KIF13A: variants seen among roughly 807,000 people sequenced by gnomAD.
The protein encoded by KIF13A is kinesin-like protein KIF13A.
In KIF13A, 79 loss-of-function variants were observed where a neutral mutation model predicts 212.2. The ratio of observed to expected loss-of-function variants is 0.37; its 90% CI spans 0.31 to 0.45. The LOEUF (loss-of-function observed/expected upper bound fraction) is 0.45. Among genes scored for constraint, KIF13A ranks in the 20% least tolerant of loss-of-function variants. KIF13A has a pLI of 1.00. For missense variants in KIF13A, 1,901 were observed against 2,209.0 expected (o/e 0.86, Z 2.79); for synonymous variants, 789 against 808.6 (o/e 0.98, Z 0.41).
intron 2 of KIF13A, among the ~76,000 whole-genome samples, chr6:17,923,883 A>G (rs989129298): frequency 2.6e-5 from 4 of 152,214 alleles, no homozygotes; most frequent in African/African-American, 9.6e-5. Context: ...AGATTCAACT[A>G]GCTTAGCAGC....
Position 17,773,478 on chromosome 6 carries a change from C to T in KIF13A, c.4324G>A (p.Gly1442Ser), listed in dbSNP as rs761975221. ...PRDSPRRNKE[G>S]CTSETPHALT... ...CACTGCAAAATAATCTCACCACTAC[C>T]TTCTTTATTCCTTCGAGGAGAATCC... The change falls in exon 36 of 39, where the codon GGT becomes AGT. Residue 1442 changes from glycine (G) to serine (S), a missense_variant and splice_region_variant. By Grantham distance (56) the Gly-to-Ser change is moderately conservative. Coordinates refer to ENST00000259711, the MANE Select transcript of KIF13A (RefSeq NM_022113.6). This position sits in a 1 kb window ranked among gnomAD's most constrained non-coding sequence, Gnocchi z 4.2. 13 of 1,547,734 alleles carry T rather than the reference C, an allele frequency of 8.4e-6. No homozygotes were observed. Among genetic ancestry groups the T allele is most frequent in the African/African-American group, 1.4e-5 (1 of 73,524 alleles).
At chr6:17,760,723 T>C (rs1039138255), downstream of KIF13A, 2 of 852,966 alleles carry the variant, frequency 2.3e-6, no homozygotes, top group East Asian at 5.2e-5. Context: ...AAGTGCACGG[T>C]GTGGATTCTC....
intron 23 of KIF13A, among the ~76,000 whole-genome samples, chr6:17,795,428 CAAAA>C (rs75554746): frequency 1.1e-5 from 1 of 91,816 alleles, no homozygotes. Context: ...ACCAAAAATA[CAAAA>C]AAAAAAAAAA....
At position 17,873,542 on chromosome 6, in the gene KIF13A, G is replaced by A. The variant is rs1581598150; in HGVS notation, c.160-105C>T. 5.3e-6 allele frequency: 4 copies of A among 753,374 alleles called. No homozygotes were observed. In the African/African-American group the frequency reaches 7.2e-5, roughly 14 times the overall value. The allele number at this position is 753,374 out of a possible 1,614,324, so 46.7% of individuals were successfully genotyped here. On this transcript the variant is annotated intron_variant, in intron 3 of 38. Transcript: ENST00000259711. ...GAAGATGAGAAGGATGGCCACTACT[G>A]TCTGACTGAAAAAAATCACTATAGG...
rs1581593744 is a variant in KIF13A at position 17,871,962 on chromosome 6, T to G, written c.220+1415A>C. ...ACACACCCGGCACAAAAATACAGAG[T>G]GCTAACAAGTCAAGACTGTTCCAGA... is the stretch of plus-strand genomic sequence containing the variant. On this transcript the variant is annotated intron_variant, in intron 4 of 38. Coordinates refer to ENST00000259711, the MANE Select transcript of KIF13A (RefSeq NM_022113.6). The surrounding 1 kb of genome is among the most constrained non-coding windows in gnomAD (Gnocchi z 4.4). Among the ~76,000 whole-genome samples, 1 of 152,164 alleles carries G rather than the reference T, an allele frequency of 6.6e-6. No homozygotes were observed. Among genetic ancestry groups the G allele is most frequent in the Non-Finnish European group, 1.5e-5 (1 of 68,030 alleles).
In KIF13A at chr6:17,779,648, T is replaced by C; in HGVS notation, c.3883A>G (p.Lys1295Glu). The C allele has an allele frequency of 6.6e-7, 1 of 1,521,942 alleles. No individual in the cohort carries two copies. Among genetic ancestry groups the C allele is most frequent in the Non-Finnish European group, 9.1e-7 (1 of 1,102,398 alleles). 94.3% of individuals were successfully genotyped at this position (1,521,942 alleles called of 1,614,324 possible). The change falls in exon 32 of 39, where the codon AAA becomes GAA. Residue 1295 changes from lysine to glutamate, a missense_variant. Around this residue, in one of 5 missense-constraint regions of KIF13A, gnomAD observed 687 missense variants for 759.1 expected, o/e 0.90. Coordinates refer to ENST00000259711, the MANE Select transcript of KIF13A (RefSeq NM_022113.6). ...ACACCACAGGAATAAAATATATTTT[T>C]CAGGGATATTCTCCTCTTCAAACTC... ...TQSLKRRISL[K>E]NIFYSCGVTY... is the part of the protein sequence containing the mutation.
chr6:17,925,660 A>C (rs926521787), intron 2 of KIF13A, among the ~76,000 whole-genome samples: 2 of 152,206 alleles, frequency 1.3e-5, no homozygotes, highest in Non-Finnish European at 2.9e-5. Flanking sequence ...GCTGATAATC[A>C]ACAGTATGTG....
intron 2 of KIF13A, among the ~76,000 whole-genome samples, chr6:17,954,103 T>A (rs1318506798): frequency 1.3e-5 from 2 of 152,040 alleles, no homozygotes; most frequent in South Asian, 4.2e-4. Flanking sequence ...ATGGAGACCA[T>A]CCTGGCTATC....
At chr6:17,822,006 A>C in intron 16 of KIF13A, 1 of 1,268,832 alleles carries the variant, frequency 7.9e-7, no homozygotes, top group Non-Finnish European at 1.1e-6. Flanking sequence ...GCTCCACTGG[A>C]ACTGGGTAAA....
intron 2 of KIF13A, among the ~76,000 whole-genome samples, chr6:17,977,287 C>A (rs1581932348): frequency 6.6e-6 from 1 of 152,258 alleles, no homozygotes; most frequent in East Asian, 1.9e-4. Flanking sequence ...CATGTCGTCT[C>A]TCATACTTAA....
At chr6:17,937,781 GCT>G (rs1230172527) in intron 2 of KIF13A, among the ~76,000 whole-genome samples, 1 of 145,480 alleles carries the variant, frequency 6.9e-6, no homozygotes, top group East Asian at 2.0e-4. Context: ...ACGGAGTCTC[GCT>G]CTGTCGACCA....
rs1225985800 is a variant in KIF13A, at chr6:17,898,592, T to C, written c.147-412A>G. ...TTTCTTAAATTTTTGTTAAAATATATGCATATTTTCCTTTGATAAATACAT... is the reference window on the plus strand; with the variant it reads ...TTTCTTAAATTTTTGTTAAAATATACGCATATTTTCCTTTGATAAATACAT... On this transcript the variant is annotated intron_variant, in intron 2 of 38. Coordinates refer to ENST00000259711, the MANE Select transcript of KIF13A (RefSeq NM_022113.6). The surrounding 1 kb of genome is among the most constrained non-coding windows in gnomAD (Gnocchi z 5.2). Among the ~76,000 whole-genome samples the C allele has an allele frequency of 2.0e-5, 3 of 152,210 alleles. No individual in the cohort carries two copies. In the East Asian group the frequency reaches 5.8e-4, roughly 29 times the overall value.
intron 9 of KIF13A, among the ~76,000 whole-genome samples, chr6:17,845,808 AG>A (rs910202412): frequency 9.2e-5 from 14 of 152,332 alleles, no homozygotes; most frequent in African/African-American, 3.4e-4. Context: ...TAGGCCACGC[AG>A]TGTCTTAATT....
chr6:17,779,188 G>C (rs1410278170), intron 32 of KIF13A, 89 bp from the exon 33 acceptor site: 1 of 944,894 alleles, frequency 1.1e-6, no homozygotes, highest in Admixed American at 2.4e-5. Context: ...GAAGTCTGGA[G>C]AATGAACACA....
intron 2 of KIF13A, among the ~76,000 whole-genome samples, chr6:17,936,751 A>G (rs1254099305): frequency 8.5e-5 from 13 of 152,244 alleles, no homozygotes; most frequent in Admixed American, 8.5e-4. Flanking sequence ...AATATTAACG[A>G]ATAATACAAA....
chr6:17,765,888 A>G (rs770124579), intron 38 of KIF13A, among the ~76,000 whole-genome samples: 1 of 152,234 alleles, frequency 6.6e-6, no homozygotes, highest in African/African-American at 2.4e-5. Flanking sequence ...TCATTCAACA[A>G]ATACACACTG....
chr6:17,953,133 T>C (rs1778023588), intron 2 of KIF13A, among the ~76,000 whole-genome samples: 7 of 152,208 alleles, frequency 4.6e-5, no homozygotes, highest in Admixed American at 4.6e-4. Flanking sequence ...TTCATCCATA[T>C]AATATAATAT....
At chr6:17,905,009 C>G (rs1773372299) in intron 2 of KIF13A, among the ~76,000 whole-genome samples, 1 of 152,246 alleles carries the variant, frequency 6.6e-6, no homozygotes, top group African/African-American at 2.4e-5. Context: ...TCGAAATCTT[C>G]TAAGTCAAAC....
At chr6:17,873,605 C>T (rs570482824) in intron 3 of KIF13A, among the ~76,000 whole-genome samples, 168 bp from the exon 4 acceptor site, 12 of 152,168 alleles carry the variant, frequency 7.9e-5, no homozygotes, top group African/African-American at 2.2e-4. Context: ...TCTTATTTTC[C>T]TCTTTTTTGG....
Sources: allele counts gnomAD v4.1 joint callset (sites outside exome capture counted in the v4.1 genomes callset), GRCh38; gene constraint gnomAD v4.1.1; regional missense constraint gnomAD v4.1.1; non-coding constraint Gnocchi (gnomAD v3.1); transcripts MANE v1.5; gene names NCBI Gene and HGNC (gene_info 2026-07-23, HGNC 2026-07-21).